Variants in COL23A1 observed in about 807,000 individuals in gnomAD.
COL23A1 encodes the protein collagen type XXIII alpha 1 chain.
Under a neutral mutation model 99.3 loss-of-function variants are expected in COL23A1, and 97 were observed. The ratio of observed to expected loss-of-function variants is 0.98; its 90% CI spans 0.83 to 1.16. The LOEUF is 1.16. COL23A1 is among the 50% of genes most tolerant of loss of function. The pLI, the probability that COL23A1 is intolerant of heterozygous loss-of-function variation, is 0.00. For synonymous variants in COL23A1, 320 were observed against 308.2 expected, an observed-to-expected ratio of 1.04 and a Z score of -0.40; for missense variants, 762 against 757.4, an observed-to-expected ratio of 1.01 and a Z score of -0.07.
At chr5:178,294,763 T>C (rs922769713) in intron 3 of COL23A1, among the ~76,000 whole-genome samples, 5 of 152,162 alleles carry the variant, frequency 3.3e-5, no homozygotes, top group Non-Finnish European at 5.9e-5. Flanking sequence ...TGGTTCATAA[T>C]CCAGAAGCCA....
At chr5:178,495,545 G>A (rs2127977126) in intron 2 of COL23A1, among the ~76,000 whole-genome samples, 1 of 152,296 alleles carries the variant, frequency 6.6e-6, no homozygotes, top group East Asian at 1.9e-4. Context: ...TGGGGGAGAA[G>A]GGTGGGGAGT....
At chr5:178,516,669 G>A (rs1199716686) in intron 2 of COL23A1, among the ~76,000 whole-genome samples, 2 of 152,164 alleles carry the variant, frequency 1.3e-5, no homozygotes, top group East Asian at 3.9e-4. Context: ...TTATCCACTT[G>A]CCAATTCCTG....
chr5:178,241,275 G>A (rs948788337), intron 27 of COL23A1, among the ~76,000 whole-genome samples: 2 of 152,090 alleles, frequency 1.3e-5, no homozygotes, highest in East Asian at 3.9e-4. Flanking sequence ...AGGCACCAGT[G>A]CCTGAAACCA....
At chr5:178,336,991 C>T (rs1760356585) in intron 2 of COL23A1, among the ~76,000 whole-genome samples, 1 of 114,234 alleles carries the variant, frequency 8.8e-6, no homozygotes, top group Non-Finnish European at 1.7e-5. Context: ...TACACTCCTC[C>T]CCGGAGCCAG....
intron 2 of COL23A1, among the ~76,000 whole-genome samples, chr5:178,330,286 C>T (rs1759940272): frequency 6.6e-6 from 1 of 152,234 alleles, no homozygotes. Flanking sequence ...GTGCTCAGTC[C>T]TCACAGCAAC....
intron 2 of COL23A1, among the ~76,000 whole-genome samples, chr5:178,553,628 T>C (rs1020960667): frequency 6.6e-6 from 1 of 152,202 alleles, no homozygotes; most frequent in Non-Finnish European, 1.5e-5. Flanking sequence ...TGAGCCTGGT[T>C]AGTAACAAGT....
chr5:178,446,268 T>C (rs978066249), intron 2 of COL23A1, among the ~76,000 whole-genome samples: 36 of 152,100 alleles, frequency 2.4e-4, no homozygotes, highest in Admixed American at 4.6e-4. Context: ...GAAAAATATT[T>C]AATATCCTAA....
chr5:178,410,129 G>C (rs1396275683), intron 2 of COL23A1, among the ~76,000 whole-genome samples: 2 of 152,190 alleles, frequency 1.3e-5, no homozygotes, highest in Admixed American at 1.3e-4. Context: ...CATTAGAAAT[G>C]CTTACATAAT....
chr5:178,368,718 G>C (rs1762632249), intron 2 of COL23A1, among the ~76,000 whole-genome samples: 1 of 152,208 alleles, frequency 6.6e-6, no homozygotes, highest in Non-Finnish European at 1.5e-5. Context: ...CCAGTCCAGA[G>C]TGGCACAGCC....
At chr5:178,400,199 T>C (rs1429823415) in intron 2 of COL23A1, among the ~76,000 whole-genome samples, 2 of 151,874 alleles carry the variant, frequency 1.3e-5, no homozygotes, top group Admixed American at 6.6e-5. Flanking sequence ...ACCCTGTCCC[T>C]ACTAAAAATA....
At chr5:178,404,490 AC>A (rs753484506) in intron 2 of COL23A1, among the ~76,000 whole-genome samples, 3 of 152,176 alleles carry the variant, frequency 2.0e-5, no homozygotes, top group Non-Finnish European at 4.4e-5. Context: ...AGAAAGAACA[AC>A]ACAGACAAAG....
intron 2 of COL23A1, among the ~76,000 whole-genome samples, chr5:178,367,493 G>A (rs1179312569): frequency 6.6e-6 from 1 of 152,130 alleles, no homozygotes; most frequent in East Asian, 1.9e-4. Context: ...TGGTAGACTG[G>A]GGCTTCCCTT....
intron 2 of COL23A1, among the ~76,000 whole-genome samples, chr5:178,474,650 T>C (rs1756933781): frequency 6.6e-6 from 1 of 152,218 alleles, no homozygotes; most frequent in South Asian, 2.1e-4. Context: ...TAAATAAATA[T>C]TCATCGATTC....
chr5:178,275,392 G>A (rs1756527529), intron 5 of COL23A1, among the ~76,000 whole-genome samples: 1 of 152,234 alleles, frequency 6.6e-6, no homozygotes, highest in African/African-American at 2.4e-5. Flanking sequence ...CTGTGAAGCT[G>A]AGGCTTTGCT....
At chr5:178,345,248 G>C (rs1344713622) in intron 2 of COL23A1, 3 of 789,718 alleles carry the variant, frequency 3.8e-6, no homozygotes, top group Non-Finnish European at 6.3e-6. Flanking sequence ...CCCTATTCAA[G>C]ACAGACCTAA....
At chr5:178,350,598 G>A (rs927216078) in intron 2 of COL23A1, among the ~76,000 whole-genome samples, 3 of 152,174 alleles carry the variant, frequency 2.0e-5, no homozygotes, top group East Asian at 1.9e-4. Flanking sequence ...TTATAACCCC[G>A]GGTTCCAAGA....
intron 3 of COL23A1, 45 bp from the exon 4 acceptor site, chr5:178,290,414 AGTCCCCTCGCCTGTCCTCAGCACG>A (rs1233823421): frequency 6.8e-6 from 11 of 1,610,950 alleles, no homozygotes; most frequent in South Asian, 2.2e-5. Context: ...TGGAAGGCAG[AGTCCCCTCGCCTGTCCTCAGCACG>A]GTCCCCTCAC....
chr5:178,520,595 A>T (rs1407243291), intron 2 of COL23A1, among the ~76,000 whole-genome samples: 1 of 152,218 alleles, frequency 6.6e-6, no homozygotes, highest in Non-Finnish European at 1.5e-5. Flanking sequence ...GGAGGGGAGC[A>T]CATGTGTTCA....
rs1212634035 is a variant in COL23A1, at chr5:178,308,210, A to C, written c.362-1291T>G. ...GAGGGCCAGTCTCTGAGAAACAGCG[A>C]GAGAGAAGAGATCCCTTCAGGTGGA... On this transcript the variant is annotated intron_variant, in intron 2 of 28. Coordinates refer to ENST00000390654, the MANE Select transcript of COL23A1 (RefSeq NM_173465.4). This position sits in a 1 kb window ranked among gnomAD's most constrained non-coding sequence, Gnocchi z 5.1. 6.6e-6 allele frequency among the ~76,000 whole-genome samples: 1 copy of C among 152,024 alleles called. No homozygotes were observed. The highest frequency in any genetic ancestry group is 2.4e-5 in the African/African-American group (1 of 41,394).
Sources: gnomAD v4.1 joint callset for allele counts (sites outside exome capture counted in the v4.1 genomes callset) on GRCh38, gnomAD v4.1.1 for gene constraint, Gnocchi (gnomAD v3.1) non-coding constraint, MANE v1.5 for transcripts, NCBI Gene and HGNC (gene_info 2026-07-23, HGNC 2026-07-21) for gene names.